The following GRIP1 variants were observed in gnomAD, a reference collection of about 807,000 sequenced individuals.
GRIP1 encodes the protein glutamate receptor interacting protein 1.
GRIP1 carries 45 observed loss-of-function variants against 129.9 expected under a neutral mutation model. The observed-to-expected ratio is 0.35, with a 90% CI of 0.27 to 0.44. GRIP1 has a LOEUF of 0.44. Ranked by LOEUF, GRIP1 falls within the 20% of genes least tolerant of loss-of-function variation. The pLI, the probability that GRIP1 is intolerant of heterozygous loss-of-function variation, is 1.00. For synonymous variants in GRIP1, 530 were observed against 520.8 expected, an observed-to-expected ratio of 1.02 and a Z score of -0.24; for missense variants, 1,196 against 1,396.8, an observed-to-expected ratio of 0.86 and a Z score of 2.29.
chr12:66,671,996 G>GT (rs1398114599), intron 1 of GRIP1, among the ~76,000 whole-genome samples: 7 of 152,190 alleles, frequency 4.6e-5, no homozygotes, highest in Admixed American at 3.9e-4. Flanking sequence ...TACAGAGACA[G>GT]TAACAGTTTC....
intron 11 of GRIP1, among the ~76,000 whole-genome samples, chr12:66,447,681 ATGATTT>A (rs992107597): frequency 2.9e-4 from 43 of 150,026 alleles, no homozygotes; most frequent in African/African-American, 1.0e-3. Context: ...TCCACCCCCC[ATGATTT>A]TGTGCCATGA....
chr12:66,829,827 G>C (rs2039485621), intron 1 of GRIP1, among the ~76,000 whole-genome samples: 1 of 152,096 alleles, frequency 6.6e-6, no homozygotes, highest in African/African-American at 2.4e-5. Flanking sequence ...TCACAGAGCT[G>C]GTTAGGAAAG....
chr12:67,060,407 G>T (rs2043512043), intron 1 of GRIP1, among the ~76,000 whole-genome samples: 1 of 152,144 alleles, frequency 6.6e-6, no homozygotes, highest in Non-Finnish European at 1.5e-5. Context: ...ACTGATTTTG[G>T]GGGTAGTTTT....
chr12:67,051,896 T>C (rs2043352169), intron 1 of GRIP1, among the ~76,000 whole-genome samples: 2 of 152,252 alleles, frequency 1.3e-5, no homozygotes, highest in Admixed American at 1.3e-4. Context: ...TTAGTATCTT[T>C]ATTGTCTTGG....
intron 22 of GRIP1, chr12:66,372,180 C>A: frequency 1.8e-6 from 1 of 570,954 alleles, no homozygotes; most frequent in Non-Finnish European, 3.1e-6. Context: ...CAAATACCAC[C>A]CCTGGCAGTT....
upstream of GRIP1, chr12:66,804,238 C>G (rs973984925): frequency 3.1e-5 from 13 of 413,894 alleles, no homozygotes; most frequent in African/African-American, 1.4e-4. Flanking sequence ...CAGCAACAGC[C>G]CAGCTGCTCT....
chr12:66,549,878 T>C (rs2062067434), intron 2 of GRIP1, among the ~76,000 whole-genome samples: 1 of 150,792 alleles, frequency 6.6e-6, no homozygotes, highest in African/African-American at 2.5e-5. Flanking sequence ...TCTGTATGTT[T>C]CCTATTGCAC....
chr12:66,412,904 G>C (rs1041665241), intron 15 of GRIP1, among the ~76,000 whole-genome samples: 1 of 152,070 alleles, frequency 6.6e-6, no homozygotes, highest in Non-Finnish European at 1.5e-5. Flanking sequence ...AACAAGAAGA[G>C]CTAAGTATCC....
At chr12:66,783,999 GAACA>G (rs1185806924) in intron 1 of GRIP1, among the ~76,000 whole-genome samples, 3 of 151,700 alleles carry the variant, frequency 2.0e-5, no homozygotes, top group Non-Finnish European at 4.4e-5. Context: ...GTTAACAGAA[GAACA>G]AAAATGGTAT....
intron 1 of GRIP1, among the ~76,000 whole-genome samples, chr12:66,872,378 G>C (rs2040310867): frequency 6.6e-6 from 1 of 151,964 alleles, no homozygotes; most frequent in Non-Finnish European, 1.5e-5. Flanking sequence ...ATGGTTCTAG[G>C]ATTGTTCCTG....
intron 1 of GRIP1, among the ~76,000 whole-genome samples, chr12:66,822,981 A>G (rs1358817287): frequency 6.6e-6 from 1 of 152,196 alleles, no homozygotes; most frequent in African/African-American, 2.4e-5. Flanking sequence ...ATCTAAAATA[A>G]AAGTTAAAAT....
intron 15 of GRIP1, among the ~76,000 whole-genome samples, chr12:66,418,391 C>T (rs899340963): frequency 3.9e-4 from 60 of 151,968 alleles, no homozygotes; most frequent in African/African-American, 1.4e-3. Context: ...AAATATGTCT[C>T]GAGTAATATC....
intron 7 of GRIP1, among the ~76,000 whole-genome samples, chr12:66,490,133 T>C (rs762916023): frequency 9.9e-5 from 15 of 151,762 alleles, no homozygotes; most frequent in Non-Finnish European, 1.9e-4. Flanking sequence ...AGAAATTTTT[T>C]AATCTGTATG....
chr12:66,759,880 A>G (rs909476377), intron 1 of GRIP1, among the ~76,000 whole-genome samples: 10 of 148,896 alleles, frequency 6.7e-5, no homozygotes, highest in Admixed American at 3.4e-4. Flanking sequence ...TTTGAGATGG[A>G]GTCTTGCTCT....
At chr12:66,746,846 A>G (rs1483063022) in intron 1 of GRIP1, among the ~76,000 whole-genome samples, 1 of 152,254 alleles carries the variant, frequency 6.6e-6, no homozygotes, top group Non-Finnish European at 1.5e-5. Context: ...GACAGTTTAC[A>G]GGAAAGAGTT....
intron 1 of GRIP1, among the ~76,000 whole-genome samples, chr12:66,733,382 A>C (rs1331680770): frequency 2.6e-5 from 4 of 152,154 alleles, no homozygotes; most frequent in Non-Finnish European, 5.9e-5. Context: ...AGTCATGGCT[A>C]ATAAGATATG....
chr12:66,678,796 T>C, intron 1 of GRIP1, 54 bp downstream of exon 1: 1 of 1,518,598 alleles, frequency 6.6e-7, no homozygotes, highest in Non-Finnish European at 9.1e-7. Flanking sequence ...TTAAACTGTG[T>C]TTATAGGATA....
intron 1 of GRIP1, among the ~76,000 whole-genome samples, chr12:66,760,600 T>C (rs1242043752): frequency 6.6e-6 from 1 of 152,188 alleles, no homozygotes; most frequent in African/African-American, 2.4e-5. Flanking sequence ...CATGATTCAG[T>C]TACCTTCCTG....
chr12:67,036,714 C>T (rs2043101490), intron 1 of GRIP1, among the ~76,000 whole-genome samples: 1 of 151,986 alleles, frequency 6.6e-6, no homozygotes, highest in Non-Finnish European at 1.5e-5. Context: ...ACACTGCTGG[C>T]CCCTAAAATC....
Sources: gnomAD v4.1 joint callset for allele counts (sites outside exome capture counted in the v4.1 genomes callset) on GRCh38, gnomAD v4.1.1 for gene constraint, MANE v1.5 for transcripts, NCBI Gene and HGNC (gene_info 2026-07-23, HGNC 2026-07-21) for gene names.